The following CMSS1 variants were observed in gnomAD, a reference collection of about 807,000 sequenced individuals.
CMSS1 encodes protein CMSS1.
A neutral mutation model predicts 43.5 loss-of-function variants in CMSS1; 33 were observed. The ratio of observed to expected loss-of-function variants is 0.76; its 90% confidence interval spans 0.57 to 1.01. The LOEUF (loss-of-function observed/expected upper bound fraction) is 1.01, where lower values mean the gene tolerates loss of function less well. Ranked by LOEUF, CMSS1 falls within the 50% of genes least tolerant of loss-of-function variation. CMSS1 has a pLI of 0.00. For synonymous variants in CMSS1, 115 were observed against 117.2 expected, an observed-to-expected ratio of 0.98 and a Z score of 0.12; for missense variants, 313 against 326.4, an observed-to-expected ratio of 0.96 and a Z score of 0.32.
intron 1 of CMSS1, among the ~76,000 whole-genome samples, chr3:100,130,907 G>T (rs149501462): frequency 6.6e-6 from 1 of 152,302 alleles, no homozygotes; most frequent in South Asian, 2.1e-4. Flanking sequence ...TAAGGGGTAG[G>T]TGAAATAAGA....
intron 1 of CMSS1, among the ~76,000 whole-genome samples, chr3:100,116,810 G>T (rs180893300): frequency 6.6e-4 from 101 of 152,240 alleles, no homozygotes; most frequent in Non-Finnish European, 1.1e-3. Context: ...TTATGTATTT[G>T]CTCATTGCCC....
intron 1 of CMSS1, among the ~76,000 whole-genome samples, chr3:100,034,248 G>A (rs576714156): frequency 6.6e-6 from 1 of 152,140 alleles, no homozygotes; most frequent in Non-Finnish European, 1.5e-5. Context: ...CTCAGAATGG[G>A]GGGAAAAAGC....
intron 1 of CMSS1, among the ~76,000 whole-genome samples, chr3:100,069,720 A>G (rs550697273): frequency 6.6e-6 from 1 of 152,230 alleles, no homozygotes; most frequent in South Asian, 2.1e-4. Flanking sequence ...AATACAAGTA[A>G]CCTGTTTTGA....
chr3:99,821,706 G>C (rs1942442380), intron 1 of CMSS1, among the ~76,000 whole-genome samples: 1 of 152,196 alleles, frequency 6.6e-6, no homozygotes, highest in Non-Finnish European at 1.5e-5. Context: ...AAAACTGAGA[G>C]AATGTCAATC....
At chr3:99,879,425 CATT>C (rs1705646828) in intron 1 of CMSS1, among the ~76,000 whole-genome samples, 1 of 152,180 alleles carries the variant, frequency 6.6e-6, no homozygotes, top group Non-Finnish European at 1.5e-5. Flanking sequence ...ACAACATCAT[CATT>C]ATTTAACTTT....
intron 1 of CMSS1, among the ~76,000 whole-genome samples, chr3:99,943,194 C>T (rs1310716522): frequency 6.6e-6 from 1 of 152,142 alleles, no homozygotes; most frequent in African/African-American, 2.4e-5. Context: ...GTGGTCAGCT[C>T]ATGCCTATTT....
In CMSS1 at chr3:100,167,825, C is replaced by A; in HGVS notation, c.503C>A (p.Ala168Asp). ...MLIICSSAVR[A>D]LELIRSMTAF... ...ATCATCTGCAGCTCGGCCGTCCGAG[C>A]CCTGGAGCTCATTAGGTTGGAAGGT... The change falls in exon 6 of 10, where the codon GCC (alanine) becomes GAC (aspartate). Residue 168 changes from alanine (A) to aspartate (D), a missense_variant. Ala to Asp is a moderately radical substitution (Grantham distance 126). Transcript: ENST00000421999. 4 of 1,610,746 alleles carry A rather than the reference C, an allele frequency of 2.5e-6. No individual in the cohort carries two copies. Among genetic ancestry groups the A allele is most frequent in the Non-Finnish European group, 3.4e-6 (4 of 1,178,318 alleles).
chr3:100,061,337 C>T (rs905868538), intron 1 of CMSS1, among the ~76,000 whole-genome samples: 1 of 152,156 alleles, frequency 6.6e-6, no homozygotes, highest in Non-Finnish European at 1.5e-5. Context: ...ACATGACATT[C>T]GAAAATCTTC....
intron 1 of CMSS1, among the ~76,000 whole-genome samples, chr3:99,879,084 A>C (rs1384062): frequency 0.42 from 64,432 of 152,046 alleles, 13,852 homozygotes; most frequent in African/African-American, 0.48. Context: ...TCAGGAATTT[A>C]CTACAAATAA....
chr3:100,139,190 G>T (rs2066781320), intron 1 of CMSS1, among the ~76,000 whole-genome samples: 1 of 152,106 alleles, frequency 6.6e-6, no homozygotes, highest in Admixed American at 6.5e-5. Flanking sequence ...AGGGCCTGTT[G>T]TTGGGTGAGG....
At chr3:99,949,898 G>T (rs1333182963) in intron 1 of CMSS1, among the ~76,000 whole-genome samples, 2 of 152,198 alleles carry the variant, frequency 1.3e-5, no homozygotes, top group Admixed American at 6.5e-5. Flanking sequence ...AGCTGTGTGT[G>T]TGTTAGGGAG....
intron 7 of CMSS1, 108 bp downstream of exon 7, chr3:100,172,007 C>T: frequency 3.5e-6 from 3 of 850,626 alleles, no homozygotes; most frequent in South Asian, 3.2e-5. Context: ...GAGTTCCTTC[C>T]TTATGTAACA....
intron 1 of CMSS1, among the ~76,000 whole-genome samples, chr3:99,986,018 G>T (rs549274702): frequency 6.6e-6 from 1 of 152,120 alleles, no homozygotes; most frequent in Non-Finnish European, 1.5e-5. Flanking sequence ...GATACAGTTT[G>T]CACGTGGACC....
At chr3:99,986,611 C>T (rs1690615308) in intron 1 of CMSS1, among the ~76,000 whole-genome samples, 1 of 151,958 alleles carries the variant, frequency 6.6e-6, no homozygotes, top group African/African-American at 2.4e-5. Context: ...ACCAACTGCA[C>T]ATGGAGAGAA....
At position 99,848,849 on chromosome 3, in the gene CMSS1, T is replaced by C. The variant is rs755001665; in HGVS notation, c.64+30806T>C. 5 of 1,614,114 alleles carry C rather than the reference T, an allele frequency of 3.1e-6. No homozygotes were observed. The African/African-American group carries it at 6.7e-5, about 22-fold the overall frequency. ...TTTTGGAGGATGGTTATCCTTTGCT[T>C]TGGCGTGCCACAGTTCGGTATCACT... On this transcript the variant is annotated intron_variant, in intron 1 of 9. Coordinates refer to ENST00000421999, the MANE Select transcript of CMSS1 (RefSeq NM_032359.4).
intron 1 of CMSS1, among the ~76,000 whole-genome samples, chr3:99,957,330 A>G (rs1487901000): frequency 2.6e-5 from 4 of 152,120 alleles, no homozygotes; most frequent in Non-Finnish European, 5.9e-5. Context: ...GCATTAACAG[A>G]AAGTATTTAG....
chr3:99,886,387 C>A (rs1347316580), intron 1 of CMSS1, among the ~76,000 whole-genome samples: 1 of 151,038 alleles, frequency 6.6e-6, no homozygotes, highest in Non-Finnish European at 1.5e-5. Context: ...ACATAAAATA[C>A]ACTTAACACT....
chr3:99,876,831 T>TA lies in CMSS1; in HGVS notation c.64+58790dup, dbSNP rs1489892059. Among the ~76,000 whole-genome samples the TA allele has an allele frequency of 1.9e-4, 29 of 152,346 alleles. 1 individual carries two copies. The highest frequency in any genetic ancestry group is 5.8e-4 in the African/African-American group (24 of 41,578). ...TCCCCATTTCTGCATGCCTGTGTTT[T>TA]AACGAAAGCAGTTAAAACTATCATT... On this transcript the variant is annotated intron_variant, in intron 1 of 9. Transcript: ENST00000421999.
intron 1 of CMSS1, among the ~76,000 whole-genome samples, chr3:99,843,218 A>G (rs1304435069): frequency 6.6e-6 from 1 of 152,196 alleles, no homozygotes; most frequent in Non-Finnish European, 1.5e-5. Context: ...GAAATGCTAC[A>G]GATTTAAGTT....
Sources: gnomAD v4.1 joint callset for allele counts (sites outside exome capture counted in the v4.1 genomes callset) on GRCh38, gnomAD v4.1.1 for gene constraint, MANE v1.5 for transcripts, NCBI Gene and HGNC (gene_info 2026-07-23, HGNC 2026-07-21) for gene names.